The following EDA variants were observed in gnomAD, a reference collection of about 807,000 sequenced individuals.
EDA encodes the protein ectodysplasin A, also known as ectodysplasin-A.
A neutral mutation model predicts 23.6 loss-of-function variants in EDA; 2 were observed. The observed-to-expected ratio is 0.08, with a 90% CI of 0.03 to 0.27. The LOEUF is 0.27. Among genes scored for constraint, EDA ranks in the 10% least tolerant of loss-of-function variants. EDA has a pLI of 1.00. For missense variants in EDA, 229 were observed against 324.2 expected (o/e 0.71, Z 2.26); for synonymous variants, 131 against 132.0 (o/e 0.99, Z 0.05).
At chrX:69,722,485 T>C (rs1278971167) in intron 1 of EDA, among the ~76,000 whole-genome samples, 6 of 112,066 alleles carry the variant, frequency 5.4e-5, no homozygotes, top group Non-Finnish European at 9.4e-5. Context: ...TTTCTTTAAA[T>C]AGAGGAAAAG....
intron 1 of EDA, among the ~76,000 whole-genome samples, chrX:69,908,552 G>T (rs1445958773): frequency 9.1e-6 from 1 of 109,703 alleles, no homozygotes; most frequent in East Asian, 2.9e-4. Context: ...GGCTTGTCTG[G>T]TATCAACCAA....
intron 1 of EDA, among the ~76,000 whole-genome samples, chrX:69,825,828 G>A (rs1055248726): frequency 3.6e-5 from 4 of 110,489 alleles, no homozygotes; most frequent in African/African-American, 9.9e-5. Flanking sequence ...TTTCTCTTGT[G>A]GGCATTTAGT....
chrX:70,024,597 T>C (rs2020083124), intron 3 of EDA, among the ~76,000 whole-genome samples: 1 of 112,901 alleles, frequency 8.9e-6, no homozygotes, highest in Non-Finnish European at 1.9e-5. Flanking sequence ...GAGAAGACAG[T>C]GCACATAGGC....
chrX:69,807,909 G>C (rs1237677641), intron 1 of EDA, among the ~76,000 whole-genome samples: 1 of 111,808 alleles, frequency 8.9e-6, no homozygotes, highest in Non-Finnish European at 1.9e-5. Flanking sequence ...CAGGGACCTT[G>C]AATAAATTAC....
intron 1 of EDA, among the ~76,000 whole-genome samples, chrX:69,695,923 G>T (rs1043555312): frequency 9.0e-6 from 1 of 110,752 alleles, no homozygotes; most frequent in East Asian, 2.9e-4. Context: ...GGTAAAGAAA[G>T]AACTCTCAAA....
chrX:69,817,482 G>A (rs777860517), intron 1 of EDA, among the ~76,000 whole-genome samples: 1 of 111,798 alleles, frequency 8.9e-6, no homozygotes, highest in Non-Finnish European at 1.9e-5. Flanking sequence ...CCCATCTCAT[G>A]TGCAAAGACA....
chrX:69,761,356 A>G (rs1294716828), intron 1 of EDA, among the ~76,000 whole-genome samples: 1 of 111,541 alleles, frequency 9.0e-6, no homozygotes. Flanking sequence ...CAGAACAAAG[A>G]AAATGGAGAG....
At chrX:69,663,598 A>C (rs1933586062) in intron 1 of EDA, among the ~76,000 whole-genome samples, 1 of 112,592 alleles carries the variant, frequency 8.9e-6, no homozygotes. Flanking sequence ...TGTGGGGTGC[A>C]AGCCCTCAGC....
chrX:69,667,842 C>T (rs1933740225), intron 1 of EDA, among the ~76,000 whole-genome samples: 1 of 112,273 alleles, frequency 8.9e-6, no homozygotes, highest in Admixed American at 9.4e-5. Flanking sequence ...TGCTGTGTCA[C>T]TCCATGGCAG....
intron 2 of EDA, among the ~76,000 whole-genome samples, chrX:70,005,218 A>C (rs2019787838): frequency 8.9e-6 from 1 of 112,215 alleles, no homozygotes; most frequent in Admixed American, 9.4e-5. Context: ...TAGGCCATAA[A>C]ATAACTATAA....
At position 70,030,663 on chromosome X, in the gene EDA, C is replaced by T. The variant is rs1439044279; in HGVS notation, c.793+143C>T. ...AAGTCATTCTTTGCTCCATCATGCC[C>T]TCTACTGGCTGTCCTGAGCAATTGC... On this transcript the variant is annotated intron_variant, in intron 6 of 7. Coordinates refer to ENST00000374552, the MANE Select transcript of EDA (RefSeq NM_001399.5). 5 of 563,288 alleles carry T rather than the reference C, an allele frequency of 8.9e-6. No homozygotes were observed. In the Admixed American group the frequency reaches 1.1e-4, roughly 12 times the overall value. 46.4% of individuals were successfully genotyped at this position (563,288 alleles called of 1,213,427 possible). A position where few individuals can be genotyped will look rare whatever the true frequency, so the allele number is the denominator to read the frequency against.
At chrX:69,834,951 T>G (rs1001107917) in intron 1 of EDA, among the ~76,000 whole-genome samples, 1 of 111,905 alleles carries the variant, frequency 8.9e-6, no homozygotes, top group African/African-American at 3.3e-5. Flanking sequence ...TGTAAAGGAT[T>G]TAATTTCTCC....
chrX:69,672,857 G>T (rs1462000878), intron 1 of EDA, among the ~76,000 whole-genome samples: 1 of 104,914 alleles, frequency 9.5e-6, no homozygotes, highest in African/African-American at 3.5e-5. Flanking sequence ...ACTCCAGCCT[G>T]GGCGACAGAG....
At chrX:69,921,485 A>T (rs968426997) in intron 1 of EDA, among the ~76,000 whole-genome samples, 1 of 110,605 alleles carries the variant, frequency 9.0e-6, no homozygotes, top group African/African-American at 3.3e-5. Context: ...GATCATTCTA[A>T]CCTTCTCTCC....
chrX:69,828,698 G>A (rs1569347053), intron 1 of EDA, among the ~76,000 whole-genome samples: 1 of 112,307 alleles, frequency 8.9e-6, no homozygotes, highest in Admixed American at 9.4e-5. Context: ...GACCGGAGCT[G>A]TTCCTATTCG....
At chrX:69,770,399 G>T (rs773457905) in intron 1 of EDA, among the ~76,000 whole-genome samples, 51 of 111,752 alleles carry the variant, frequency 4.6e-4, no homozygotes, top group African/African-American at 1.5e-3. Flanking sequence ...CCAGCATTTG[G>T]TGTTGTCACT....
At position 69,648,705 on chromosome X, in the gene EDA, C is replaced by T. The variant is rs1304167497; in HGVS notation, c.396+32001C>T. Reference sequence around the variant, plus strand: ...TGTGTGAGGTGCTGTGGAAGTGGGGCCCACAGAACTGCTTGGCTCCCTGGA... The same window carrying T: ...TGTGTGAGGTGCTGTGGAAGTGGGGTCCACAGAACTGCTTGGCTCCCTGGA... On this transcript the variant is annotated intron_variant, in intron 1 of 7. Coordinates refer to ENST00000374552, the MANE Select transcript of EDA (RefSeq NM_001399.5). Among the ~76,000 whole-genome samples the T allele has an allele frequency of 4.5e-5, 5 of 111,756 alleles. No homozygotes were observed. The East Asian group carries it at 1.4e-3, about 32-fold the overall frequency.
At chrX:69,725,690 G>A (rs1251461480) in intron 1 of EDA, among the ~76,000 whole-genome samples, 2 of 112,545 alleles carry the variant, frequency 1.8e-5, no homozygotes, top group African/African-American at 6.5e-5. Flanking sequence ...ATGAATGAAC[G>A]AACCAAGGAC....
At chrX:69,645,616 G>GTGTGTGTATATATATA (rs1932909686) in intron 1 of EDA, among the ~76,000 whole-genome samples, 10 of 56,461 alleles carry the variant, frequency 1.8e-4, no homozygotes, top group African/African-American at 9.5e-4. Context: ...ATATATATAT[G>GTGTGTGTATATATATA]TGTGTGTATA....
Sources: gnomAD v4.1 joint callset for allele counts (sites outside exome capture counted in the v4.1 genomes callset) on GRCh38, gnomAD v4.1.1 for gene constraint, MANE v1.5 for transcripts, NCBI Gene and HGNC (gene_info 2026-07-23, HGNC 2026-07-21) for gene names.